The following MRPL45 variants were observed in gnomAD, a reference collection of about 807,000 sequenced individuals.
The protein encoded by MRPL45 is large ribosomal subunit protein mL45.
MRPL45 carries 20 observed loss-of-function variants against 38.1 expected under a neutral mutation model. The observed-to-expected ratio is 0.53, with a 90% confidence interval of 0.37 to 0.76. The LOEUF (loss-of-function observed/expected upper bound fraction) is 0.76. MRPL45 is among the 30% of genes least tolerant of loss of function. The probability of loss-of-function intolerance (pLI) is 0.00; values close to 1 mark genes in which losing one functional copy is unlikely to be tolerated. For missense variants in MRPL45, 337 were observed against 395.6 expected, an observed-to-expected ratio of 0.85 and a Z score of 1.26; for synonymous variants, 105 against 128.8, an observed-to-expected ratio of 0.82 and a Z score of 1.25.
At chr17:38,300,876 G>A (rs1203256519) in intron 3 of MRPL45, among the ~76,000 whole-genome samples, 1 of 152,182 alleles carries the variant, frequency 6.6e-6, no homozygotes, top group Non-Finnish European at 1.5e-5. Context: ...AACCCGGGAG[G>A]CGGAGGTTGC....
At chr17:38,305,413 G>T (rs1224853157) in intron 3 of MRPL45, among the ~76,000 whole-genome samples, 1 of 145,816 alleles carries the variant, frequency 6.9e-6, no homozygotes, top group African/African-American at 2.5e-5. Context: ...GTTGCAGTGA[G>T]CCGAGATTGC....
rs2037222299 is a variant in MRPL45 at position 38,320,781 on chromosome 17, T to C, written c.660+14T>C. Reference sequence around the variant, plus strand: ...CACACCCGGCAGGTAGAGGCACTCGTCTGCCTTCCTCCCAGCTTTTTTTCA... The same window carrying C: ...CACACCCGGCAGGTAGAGGCACTCGCCTGCCTTCCTCCCAGCTTTTTTTCA... On this transcript the variant is annotated intron_variant, in intron 6 of 7. Coordinates refer to ENST00000613675, the MANE Select transcript of MRPL45 (RefSeq NM_032351.6). 11 of 1,612,912 alleles carry C rather than the reference T, an allele frequency of 6.8e-6. No individual in the cohort carries two copies. Among genetic ancestry groups the C allele is most frequent in the Non-Finnish European group, 9.3e-6 (11 of 1,179,692 alleles).
chr17:38,320,454 C>G (rs2037218179), intron 5 of MRPL45, among the ~76,000 whole-genome samples, 164 bp from the exon 6 acceptor site: 1 of 151,976 alleles, frequency 6.6e-6, no homozygotes, highest in African/African-American at 2.4e-5. Flanking sequence ...ATAGCTTAAT[C>G]AAAACTTGAG....
chr17:38,311,644 C>T (rs1406450855), intron 4 of MRPL45, among the ~76,000 whole-genome samples: 8 of 148,148 alleles, frequency 5.4e-5, no homozygotes, highest in African/African-American at 1.5e-4. Flanking sequence ...CAAGATCGCA[C>T]CACTGCACTC....
chr17:38,304,708 T>C (rs535473641), intron 3 of MRPL45, among the ~76,000 whole-genome samples: 120 of 152,138 alleles, frequency 7.9e-4, no homozygotes, highest in African/African-American at 2.7e-3. Flanking sequence ...CACGCCCAGC[T>C]AATTTTTGTA....
chr17:38,313,385 C>T (rs1392588918), intron 4 of MRPL45, among the ~76,000 whole-genome samples: 108 of 19,558 alleles, frequency 5.5e-3, no homozygotes, highest in African/African-American at 0.014. Flanking sequence ...TATATATATA[C>T]ATATATATAT....
At chr17:38,307,901 T>C (rs2037070170) in intron 4 of MRPL45, among the ~76,000 whole-genome samples, 1 of 152,040 alleles carries the variant, frequency 6.6e-6, no homozygotes, top group Non-Finnish European at 1.5e-5. Flanking sequence ...TTGCCCAGGC[T>C]GTTCTTGTTT....
chr17:38,311,022 CATAAT>C (rs1321566774), intron 4 of MRPL45, among the ~76,000 whole-genome samples: 3 of 151,896 alleles, frequency 2.0e-5, no homozygotes, highest in African/African-American at 7.3e-5. Flanking sequence ...GTAAAATACA[CATAAT>C]ATACAATTTA....
intron 4 of MRPL45, among the ~76,000 whole-genome samples, chr17:38,306,919 C>T (rs1259371767): frequency 1.3e-5 from 2 of 152,190 alleles, no homozygotes; most frequent in Non-Finnish European, 2.9e-5. Flanking sequence ...TATCTGATCC[C>T]TGAATTCATT....
chr17:38,311,998 T>C (rs9890523), intron 4 of MRPL45, among the ~76,000 whole-genome samples: 104,959 of 151,584 alleles, frequency 0.69, 41,929 homozygotes, highest in East Asian at 0.9. Flanking sequence ...GTCTTCAATG[T>C]TCATATATAT....
At chr17:38,318,506 A>T (rs76968438) in intron 4 of MRPL45, among the ~76,000 whole-genome samples, 181 bp from the exon 5 acceptor site, 2,555 of 151,312 alleles carry the variant, frequency 0.017, 79 homozygotes, top group African/African-American at 0.059. Context: ...TTTTCTGGTA[A>T]ATCACATTAT....
At chr17:38,302,111 C>T (rs1307286452) in intron 3 of MRPL45, among the ~76,000 whole-genome samples, 3 of 81,962 alleles carry the variant, frequency 3.7e-5, no homozygotes, top group Admixed American at 2.0e-4. Flanking sequence ...AGCAAGACTC[C>T]GTCTCAAAAA....
At chr17:38,298,145 C>T (rs1469861369) in intron 1 of MRPL45, among the ~76,000 whole-genome samples, 1 of 152,138 alleles carries the variant, frequency 6.6e-6, no homozygotes, top group East Asian at 1.9e-4. Flanking sequence ...TTCCCCATCA[C>T]CATCAGTTTT....
At chr17:38,300,799 A>T (rs2036986970) in intron 3 of MRPL45, among the ~76,000 whole-genome samples, 1 of 152,168 alleles carries the variant, frequency 6.6e-6, no homozygotes, top group African/African-American at 2.4e-5. Context: ...ATGCAAAATT[A>T]GCCGGGCGTG....
At chr17:38,302,506 G>GTTTT (rs1187786944) in intron 3 of MRPL45, among the ~76,000 whole-genome samples, 8 of 39,046 alleles carry the variant, frequency 2.0e-4, no homozygotes, top group East Asian at 1.9e-3. Context: ...AAAAAAAAAA[G>GTTTT]TTTGTTTTTT....
chr17:38,320,251 T>A (rs557881460), intron 5 of MRPL45, among the ~76,000 whole-genome samples: 62 of 152,180 alleles, frequency 4.1e-4, no homozygotes, highest in South Asian at 1.2e-3. Flanking sequence ...GGAAAAAAAA[T>A]ATATATGCAG....
chr17:38,311,726 A>C (rs1274872398), intron 4 of MRPL45, among the ~76,000 whole-genome samples: 10 of 148,164 alleles, frequency 6.7e-5, no homozygotes, highest in African/African-American at 2.5e-4. Context: ...GAGCTTGTGC[A>C]CCCCTTCCAC....
intron 3 of MRPL45, among the ~76,000 whole-genome samples, chr17:38,301,525 G>T (rs1429174379): frequency 6.6e-6 from 1 of 152,168 alleles, no homozygotes; most frequent in African/African-American, 2.4e-5. Flanking sequence ...ACAGGCGTGA[G>T]CCACCACGCT....
In MRPL45 at chr17:38,322,253, C is replaced by G; in HGVS notation, c.788C>G (p.Thr263Ser). The G allele has an allele frequency of 3.7e-6, 6 of 1,614,062 alleles. No homozygotes were observed. Among genetic ancestry groups the G allele is most frequent in the Non-Finnish European group, 5.1e-6 (6 of 1,180,006 alleles). ...CCCTATGGAAGCTGGAGAATGCATA[C>G]CAAGATCGTTCCCCCATGGGCACCC... ...TNPYGSWRMH[T>S]KIVPPWAPPK... Residue 263 changes from threonine (T) to serine (S), a missense_variant, in exon 7 of 8, where the codon ACC becomes AGC. Physicochemically the swap from Thr to Ser is moderately conservative, Grantham distance 58. Around this residue, in one of 3 missense-constraint regions of MRPL45, gnomAD observed 251 missense variants for 269.1 expected, o/e 0.93. Coordinates refer to ENST00000613675, the MANE Select transcript of MRPL45 (RefSeq NM_032351.6).
Sources: allele counts gnomAD v4.1 joint callset (sites outside exome capture counted in the v4.1 genomes callset), GRCh38; gene constraint gnomAD v4.1.1; regional missense constraint gnomAD v4.1.1; transcripts MANE v1.5; gene names NCBI Gene and HGNC (gene_info 2026-07-23, HGNC 2026-07-21).